KAT6B: variants seen among roughly 807,000 people sequenced by gnomAD.
KAT6B encodes lysine acetyltransferase 6B.
A neutral mutation model predicts 187.5 loss-of-function variants in KAT6B; 10 were observed. The observed-to-expected ratio is 0.05, with a 90% CI of 0.03 to 0.09. The LOEUF is 0.09. KAT6B is among the 10% of genes least tolerant of loss of function. The pLI is 1.00. For synonymous variants in KAT6B, 861 were observed against 926.8 expected (o/e 0.93, Z 1.29); for missense variants, 1,952 against 2,558.9 (o/e 0.76, Z 5.12).
At chr10:74,929,211 T>C (rs1283075342) in intron 3 of KAT6B, among the ~76,000 whole-genome samples, 1 of 152,208 alleles carries the variant, frequency 6.6e-6, no homozygotes, top group Non-Finnish European at 1.5e-5. Context: ...ATGAAATTAG[T>C]TTTTTCTACC....
chr10:74,830,601 C>T (rs1840679602), intron 1 of KAT6B, among the ~76,000 whole-genome samples: 1 of 150,954 alleles, frequency 6.6e-6, no homozygotes, highest in Admixed American at 6.6e-5. Context: ...CCAGGTTACA[C>T]TCCCTCCAGC....
At chr10:75,016,973 C>T (rs539237730) in intron 13 of KAT6B, among the ~76,000 whole-genome samples, 5 of 151,220 alleles carry the variant, frequency 3.3e-5, no homozygotes, top group South Asian at 4.2e-4. Context: ...AAGTGATTCT[C>T]CTGCCTCAGC....
intron 3 of KAT6B, among the ~76,000 whole-genome samples, chr10:74,883,469 A>G (rs990986614): frequency 1.3e-5 from 2 of 152,118 alleles, no homozygotes; most frequent in East Asian, 1.9e-4. Context: ...GCTGCCCCCT[A>G]CTTCTCCTGT....
chr10:74,925,348 T>G (rs1232232007), intron 3 of KAT6B, among the ~76,000 whole-genome samples: 3 of 152,044 alleles, frequency 2.0e-5, no homozygotes, highest in Non-Finnish European at 4.4e-5. Context: ...GGCCAATTTC[T>G]TTTTTTATTG....
At chr10:74,991,969 T>A (rs1374238318) in intron 13 of KAT6B, among the ~76,000 whole-genome samples, 3 of 152,246 alleles carry the variant, frequency 2.0e-5, no homozygotes, top group Non-Finnish European at 4.4e-5. Flanking sequence ...AAGGTAGGGA[T>A]GAGTCACATG....
At chr10:74,947,427 A>C (rs1840030023) in intron 3 of KAT6B, among the ~76,000 whole-genome samples, 1 of 152,254 alleles carries the variant, frequency 6.6e-6, no homozygotes, top group African/African-American at 2.4e-5. Context: ...TTTACCATTT[A>C]TATGCTAAAG....
chr10:74,901,068 A>G lies in KAT6B; in HGVS notation c.621+57590A>G, dbSNP rs76584032. On this transcript the variant is annotated intron_variant, in intron 3 of 17. Coordinates refer to ENST00000287239, the MANE Select transcript of KAT6B (RefSeq NM_012330.4). ...ACTTAAAATATCTTTTATATTTTAT[A>G]TTTGTGCTTTTATAAGTTAAAAAAT... Among the ~76,000 whole-genome samples the G allele has an allele frequency of 5.5e-3, 830 of 152,230 alleles. 14 individuals are homozygous for G. Among genetic ancestry groups the G allele is most frequent in the African/African-American group, 0.018 (748 of 41,510 alleles).
chr10:74,958,602 G>C (rs191580570), intron 3 of KAT6B, among the ~76,000 whole-genome samples: 2 of 152,268 alleles, frequency 1.3e-5, no homozygotes, highest in Non-Finnish European at 2.9e-5. Context: ...CCTATGGATG[G>C]GAATACTAGC....
chr10:74,825,977 C>T (rs1455807049), upstream of KAT6B, among the ~76,000 whole-genome samples: 2 of 151,460 alleles, frequency 1.3e-5, no homozygotes, highest in African/African-American at 4.9e-5. The surrounding 1 kb of genome is among the most constrained non-coding windows in gnomAD (Gnocchi z 5.0). Flanking sequence ...GGGCGGCGCG[C>T]CCGTCCGCAC....
intron 9 of KAT6B, 136 bp downstream of exon 9, chr10:74,977,573 T>G: frequency 1.8e-6 from 2 of 1,096,100 alleles, no homozygotes; most frequent in Non-Finnish European, 2.8e-6. Flanking sequence ...TCATGCCCAT[T>G]TCTACTGACT....
chr10:74,847,798 A>G (rs577662371), intron 3 of KAT6B, among the ~76,000 whole-genome samples: 26 of 152,326 alleles, frequency 1.7e-4, no homozygotes, highest in African/African-American at 6.0e-4. Flanking sequence ...AGTAAATTTA[A>G]TAGAAATTCT....
chr10:74,999,862 TC>T (rs925306976), intron 13 of KAT6B, among the ~76,000 whole-genome samples: 9 of 152,310 alleles, frequency 5.9e-5, no homozygotes, highest in African/African-American at 2.2e-4. Context: ...AAAAGTAGAT[TC>T]AAAAAGCTTT....
At chr10:74,889,184 A>G (rs1845489715) in intron 3 of KAT6B, among the ~76,000 whole-genome samples, 1 of 152,192 alleles carries the variant, frequency 6.6e-6, no homozygotes, top group Admixed American at 6.5e-5. Context: ...TGTGTCATCT[A>G]TGTTGTCAAA....
At chr10:74,926,124 G>A (rs1459068882) in intron 3 of KAT6B, among the ~76,000 whole-genome samples, 3 of 152,172 alleles carry the variant, frequency 2.0e-5, no homozygotes, top group Non-Finnish European at 4.4e-5. Flanking sequence ...TTTTAGACTA[G>A]TCAAAAATGG....
intron 3 of KAT6B, among the ~76,000 whole-genome samples, chr10:74,861,023 G>A (rs1338459747): frequency 1.3e-5 from 2 of 152,158 alleles, no homozygotes; most frequent in Non-Finnish European, 2.9e-5. Context: ...TGTAATCCCA[G>A]CTACTCGGGA....
At chr10:74,893,744 A>G (rs950072076) in intron 3 of KAT6B, among the ~76,000 whole-genome samples, 1 of 152,230 alleles carries the variant, frequency 6.6e-6, no homozygotes, top group Non-Finnish European at 1.5e-5. Context: ...TGCTGGGATT[A>G]TAGGCATGAG....
chr10:74,990,733 T>C (rs1247071339), intron 13 of KAT6B, among the ~76,000 whole-genome samples: 1 of 152,244 alleles, frequency 6.6e-6, no homozygotes, highest in Non-Finnish European at 1.5e-5. Context: ...TCTCTAGTTT[T>C]GTGTGGCTAC....
intron 4 of KAT6B, among the ~76,000 whole-genome samples, chr10:74,962,004 C>T (rs970734319): frequency 1.3e-5 from 2 of 152,044 alleles, no homozygotes; most frequent in Non-Finnish European, 2.9e-5. Context: ...CTGGGGTCAC[C>T]ATGTCTCTTT....
chr10:74,924,041 G>A (rs934847372), intron 3 of KAT6B, among the ~76,000 whole-genome samples: 1 of 152,166 alleles, frequency 6.6e-6, no homozygotes, highest in Non-Finnish European at 1.5e-5. Context: ...ACTTGATGCA[G>A]AGTGTTAGAA....
Sources: allele counts gnomAD v4.1 joint callset (sites outside exome capture counted in the v4.1 genomes callset), GRCh38; gene constraint gnomAD v4.1.1; non-coding constraint Gnocchi (gnomAD v3.1); transcripts MANE v1.5; gene names NCBI Gene and HGNC (gene_info 2026-07-23, HGNC 2026-07-21).